The following HERC3 variants were observed in gnomAD, a reference collection of about 807,000 sequenced individuals.
The protein encoded by HERC3 is probable E3 ubiquitin-protein ligase HERC3.
In HERC3, 58 loss-of-function variants were observed where a neutral mutation model predicts 129.9. The ratio of observed to expected loss-of-function variants is 0.45; its 90% CI spans 0.36 to 0.56. The LOEUF (loss-of-function observed/expected upper bound fraction) is 0.56, where lower values mean the gene tolerates loss of function less well. Ranked by LOEUF, HERC3 falls within the 20% of genes least tolerant of loss-of-function variation. The pLI is 0.00. For synonymous variants in HERC3, 430 were observed against 451.0 expected (o/e 0.95, Z 0.59); for missense variants, 835 against 1,244.2 (o/e 0.67, Z 4.95).
At chr4:88,531,260 G>T in the HERC3 span, among the ~76,000 whole-genome samples, 1 of 151,856 alleles carries the variant, frequency 6.6e-6, no homozygotes, top group Non-Finnish European at 1.5e-5. Context: ...GCCCAGGTTA[G>T]TTGAACTGGC....
intron 3 of HERC3, among the ~76,000 whole-genome samples, chr4:88,616,674 G>T (rs1387341899): frequency 6.6e-6 from 1 of 151,580 alleles, no homozygotes; most frequent in Non-Finnish European, 1.5e-5. Flanking sequence ...CTCTGTTTTT[G>T]TTTGTTTGTT....
chr4:88,692,798 A>G (rs1734209264), intron 23 of HERC3: 1 of 601,340 alleles, frequency 1.7e-6, no homozygotes, highest in African/African-American at 2.0e-5. Context: ...CCAGGATTCA[A>G]AGCCAGGTGG....
intron 3 of HERC3, among the ~76,000 whole-genome samples, chr4:88,627,023 A>G: frequency 6.6e-6 from 1 of 152,132 alleles, no homozygotes. Flanking sequence ...TCTAACAAGT[A>G]TTTTATGCTA....
intron 23 of HERC3, among the ~76,000 whole-genome samples, chr4:88,694,841 C>G (rs1166539523): frequency 6.6e-6 from 1 of 152,076 alleles, no homozygotes; most frequent in Non-Finnish European, 1.5e-5. Context: ...ACTCTGAGAG[C>G]CTTTCACATA....
At chr4:88,595,288 A>G (rs114360985) in intron 1 of HERC3, among the ~76,000 whole-genome samples, 3,799 of 152,240 alleles carry the variant, frequency 0.025, 76 homozygotes, top group Non-Finnish European at 0.039. Context: ...ACTACTCCCT[A>G]TCAAATGTCA....
the HERC3 span, among the ~76,000 whole-genome samples, chr4:88,548,440 G>A: frequency 6.6e-6 from 1 of 152,034 alleles, no homozygotes; most frequent in Non-Finnish European, 1.5e-5. Flanking sequence ...GCCTTTCCCT[G>A]AGAGCCAATG....
the HERC3 span, among the ~76,000 whole-genome samples, chr4:88,540,924 C>A: frequency 7.2e-5 from 11 of 152,292 alleles, no homozygotes; most frequent in South Asian, 8.3e-4. Flanking sequence ...GCCTGCCTTA[C>A]AAGAGCTCCT....
the HERC3 span, among the ~76,000 whole-genome samples, chr4:88,584,434 T>A: frequency 6.6e-6 from 1 of 152,224 alleles, no homozygotes; most frequent in Non-Finnish European, 1.5e-5. Flanking sequence ...GCAAGTCATT[T>A]AAATTGATTC....
At chr4:88,566,073 C>A in the HERC3 span, among the ~76,000 whole-genome samples, 1 of 151,990 alleles carries the variant, frequency 6.6e-6, no homozygotes, top group African/African-American at 2.4e-5. Context: ...TTTCATCACC[C>A]ATGTATTAAG....
At chr4:88,533,942 T>G in the HERC3 span, among the ~76,000 whole-genome samples, 1 of 152,170 alleles carries the variant, frequency 6.6e-6, no homozygotes, top group Non-Finnish European at 1.5e-5. Context: ...GTTTCTTAGC[T>G]TCTATCTTTT....
the HERC3 span, among the ~76,000 whole-genome samples, chr4:88,578,379 C>T: frequency 2.6e-5 from 4 of 151,948 alleles, no homozygotes; most frequent in Non-Finnish European, 4.4e-5. Flanking sequence ...GTCAGGAGTT[C>T]AGGACCAGCC....
the HERC3 span, among the ~76,000 whole-genome samples, chr4:88,567,982 T>C: frequency 1.3e-5 from 2 of 152,234 alleles, no homozygotes; most frequent in Non-Finnish European, 2.9e-5. Context: ...AAGTATTTGG[T>C]CACTGCAGCC....
chr4:88,669,835 A>C (rs1392453289), intron 14 of HERC3, 25 bp from the exon 15 acceptor site: 1 of 1,597,352 alleles, frequency 6.3e-7, no homozygotes, highest in African/African-American at 1.3e-5. Context: ...ACATGTTGAA[A>C]TATGTCTTTT....
chr4:88,603,310 C>T (rs1166306674), intron 2 of HERC3, among the ~76,000 whole-genome samples: 4 of 150,814 alleles, frequency 2.7e-5, no homozygotes, highest in South Asian at 2.1e-4. Flanking sequence ...TGGGTTCAAG[C>T]GATTCTTGTG....
At chr4:88,531,534 T>G in the HERC3 span, among the ~76,000 whole-genome samples, 1 of 152,240 alleles carries the variant, frequency 6.6e-6, no homozygotes, top group African/African-American at 2.4e-5. Context: ...ATAAAAAATT[T>G]GCAGTTCTTT....
At chr4:88,697,633 G>GCCGCGCTGTCACAGTCT in intron 23 of HERC3, 2 of 1,613,646 alleles carry the variant, frequency 1.2e-6, no homozygotes, top group Non-Finnish European at 1.7e-6. Flanking sequence ...AGGGTCACCA[G>GCCGCGCTGTCACAGTCT]CCGCGCTGTC....
chr4:88,641,161 A>T (rs1255060669), intron 3 of HERC3, among the ~76,000 whole-genome samples: 2 of 152,240 alleles, frequency 1.3e-5, no homozygotes, highest in Non-Finnish European at 2.9e-5. Flanking sequence ...ATAACAAGAA[A>T]GTCTTCAAAC....
At chr4:88,593,685 G>A (rs1450048334) in intron 1 of HERC3, among the ~76,000 whole-genome samples, 1 of 152,156 alleles carries the variant, frequency 6.6e-6, no homozygotes, top group Non-Finnish European at 1.5e-5. Context: ...ATTTGTATGT[G>A]TCTTCTGGCT....
chr4:88,609,997 T>A (rs1386384180), intron 3 of HERC3, among the ~76,000 whole-genome samples: 2 of 152,190 alleles, frequency 1.3e-5, no homozygotes, highest in Non-Finnish European at 2.9e-5. Flanking sequence ...TAAACTGTCA[T>A]GGCGCTGGTG....
Sources: allele counts gnomAD v4.1 joint callset (sites outside exome capture counted in the v4.1 genomes callset), GRCh38; gene constraint gnomAD v4.1.1; transcripts MANE v1.5; gene names NCBI Gene and HGNC (gene_info 2026-07-23, HGNC 2026-07-21).